BCKDHB: variants seen among roughly 807,000 people sequenced by gnomAD.
BCKDHB encodes the protein branched chain keto acid dehydrogenase E1 subunit beta.
Under a neutral mutation model 48.5 loss-of-function variants are expected in BCKDHB, and 41 were observed. That is an observed-to-expected ratio of 0.85 (90% confidence interval 0.66 to 1.10). BCKDHB has a LOEUF of 1.10. Ranked by LOEUF, BCKDHB falls within the 50% of genes least tolerant of loss-of-function variation. The pLI is 0.00. For synonymous variants in BCKDHB, 201 were observed against 174.8 expected (o/e 1.15, Z -1.18); for missense variants, 496 against 494.2 (o/e 1.00, Z -0.03).
At chr6:80,399,051 A>C in the BCKDHB span, among the ~76,000 whole-genome samples, 9 of 152,268 alleles carry the variant, frequency 5.9e-5, no homozygotes, top group African/African-American at 1.9e-4. Context: ...GATAAAATTC[A>C]ACACCTCATC....
rs564127416 is a variant in BCKDHB at position 80,343,887 on chromosome 6, C to T, written c.*83C>T. The stretch of plus-strand genomic sequence containing the variant: ...CTGTTAACCAAGACACAGCAATCAT[C>T]AGTGTTTTGATGGTAACAAACTTTG... On this transcript the variant is annotated 3_prime_UTR_variant, in exon 10 of 10. Transcript: ENST00000320393. The T allele has an allele frequency of 1.3e-3, 2,018 of 1,535,034 alleles. 25 individuals are homozygous for T. The Middle Eastern group carries it at 0.016, about 12-fold the overall frequency.
intron 8 of BCKDHB, among the ~76,000 whole-genome samples, chr6:80,217,894 C>T (rs534041018): frequency 6.6e-6 from 1 of 152,240 alleles, no homozygotes; most frequent in Non-Finnish European, 1.5e-5. Flanking sequence ...AGGATTGAGC[C>T]TGTTGATTTA....
chr6:80,276,920 G>T lies in BCKDHB; in HGVS notation c.1038+3699G>T, dbSNP rs200604222. 6.6e-5 allele frequency among the ~76,000 whole-genome samples: 10 copies of T among 151,862 alleles called. No individual in the cohort carries two copies. In the East Asian group the frequency reaches 1.7e-3, roughly 26 times the overall value. On this transcript the variant is annotated intron_variant, in intron 9 of 9. Coordinates refer to ENST00000320393, the MANE Select transcript of BCKDHB (RefSeq NM_183050.4). ...TACGAAGTGCTTTATATTTCTATTGGATTTAATTTGGAAATTAACTGGAAG... is the reference window on the plus strand; with the variant it reads ...TACGAAGTGCTTTATATTTCTATTGTATTTAATTTGGAAATTAACTGGAAG...
chr6:80,431,985 G>GA, the BCKDHB span, among the ~76,000 whole-genome samples: 1,164 of 152,122 alleles, frequency 7.7e-3, 12 homozygotes, highest in South Asian at 0.03. Flanking sequence ...ATTCTGGGTT[G>GA]AAAATTATAT....
chr6:80,333,270 G>A (rs904840716), intron 9 of BCKDHB, among the ~76,000 whole-genome samples: 5 of 152,112 alleles, frequency 3.3e-5, no homozygotes, highest in Non-Finnish European at 7.4e-5. Flanking sequence ...TGTGATAGTG[G>A]TCACCTCACT....
intron 3 of BCKDHB, among the ~76,000 whole-genome samples, chr6:80,164,659 T>C (rs1157021103): frequency 6.6e-6 from 1 of 152,260 alleles, no homozygotes; most frequent in Admixed American, 6.5e-5. Flanking sequence ...AATAAATGTA[T>C]GAATTATTAT....
intron 3 of BCKDHB, among the ~76,000 whole-genome samples, chr6:80,150,634 A>G (rs1771727956): frequency 7.2e-6 from 1 of 139,582 alleles, no homozygotes; most frequent in Non-Finnish European, 1.5e-5. Flanking sequence ...TTGGCTCACT[A>G]CAACCTCTGC....
Position 80,205,942 on chromosome 6 carries a change from A to G in BCKDHB, c.951+2730A>G, listed in dbSNP as rs911801637. On this transcript the variant is annotated intron_variant, in intron 8 of 9. Transcript: ENST00000320393. Reference sequence around the variant, plus strand: ...TGCTTTTTAGTTGGCTACACTTGCTATTTGGTCTCAACCAGGTGTGTAGAA... The same window carrying G: ...TGCTTTTTAGTTGGCTACACTTGCTGTTTGGTCTCAACCAGGTGTGTAGAA... Among the ~76,000 whole-genome samples the G allele has an allele frequency of 1.1e-4, 17 of 151,964 alleles. No homozygotes were observed. In the South Asian group the frequency reaches 3.3e-3, roughly 30 times the overall value.
At chr6:80,463,114 T>C in the BCKDHB span, 7 of 152,204 alleles carry the variant, frequency 4.6e-5, no homozygotes, top group African/African-American at 1.4e-4. Context: ...CTAAATTAGA[T>C]TTATTTGTAA....
the BCKDHB span, among the ~76,000 whole-genome samples, chr6:80,364,582 A>C: frequency 6.6e-6 from 1 of 152,198 alleles, no homozygotes; most frequent in East Asian, 1.9e-4. Flanking sequence ...GTAGACTCTC[A>C]CTTTTTTCTT....
the BCKDHB span, among the ~76,000 whole-genome samples, chr6:80,430,290 C>T: frequency 4.6e-5 from 7 of 152,242 alleles, 1 homozygote; most frequent in South Asian, 2.1e-4. Context: ...AGGATTTCTG[C>T]GTTGATGTTC....
chr6:80,324,048 A>C (rs1366981737), intron 9 of BCKDHB, among the ~76,000 whole-genome samples: 1 of 152,218 alleles, frequency 6.6e-6, no homozygotes, highest in Non-Finnish European at 1.5e-5. Context: ...CTGGGATTAC[A>C]GGCGTGAGCC....
chr6:80,172,434 A>C (rs1772963142), intron 6 of BCKDHB, among the ~76,000 whole-genome samples: 1 of 152,048 alleles, frequency 6.6e-6, no homozygotes, highest in Non-Finnish European at 1.5e-5. Flanking sequence ...ACGAATATTC[A>C]TTGTTCATTG....
chr6:80,188,853 G>A (rs2127802298), intron 6 of BCKDHB, among the ~76,000 whole-genome samples: 1 of 152,278 alleles, frequency 6.6e-6, no homozygotes, highest in South Asian at 2.1e-4. Context: ...CAGTTTAGTA[G>A]CCATTGATGG....
the BCKDHB span, among the ~76,000 whole-genome samples, chr6:80,439,965 G>A: frequency 6.6e-6 from 1 of 152,162 alleles, no homozygotes; most frequent in Non-Finnish European, 1.5e-5. Flanking sequence ...TTGGCACTGA[G>A]AGATGAAGTC....
At chr6:80,310,435 T>C (rs1381915487) in intron 9 of BCKDHB, among the ~76,000 whole-genome samples, 1 of 152,224 alleles carries the variant, frequency 6.6e-6, no homozygotes, top group Non-Finnish European at 1.5e-5. Context: ...CATGATCTTG[T>C]TCTGTTTTAT....
rs5877699 is a variant in BCKDHB at position 80,195,163 on chromosome 6, ATTT to A, written c.743-5763_743-5761del. ...CTTGCCAGCGTGGACAATTCTACAG[ATTT>A]TTTTTTTGATTACTTGGAGACAGAA... On this transcript the variant is annotated intron_variant, in intron 6 of 9. Transcript: ENST00000320393. Among the ~76,000 whole-genome samples, 540 of 150,656 alleles carry A rather than the reference ATTT, an allele frequency of 3.6e-3. 7 individuals carry two copies. Among genetic ancestry groups the A allele is most frequent in the Admixed American group, 0.031 (469 of 15,098 alleles).
At chr6:80,245,511 G>A (rs971555749) in intron 8 of BCKDHB, among the ~76,000 whole-genome samples, 12 of 152,040 alleles carry the variant, frequency 7.9e-5, no homozygotes, top group Non-Finnish European at 1.3e-4. Flanking sequence ...TAGATACTTG[G>A]TAAAAACACG....
rs566692990 is a variant in BCKDHB, at chr6:80,115,289, C to T, written c.196+8400C>T. Among the ~76,000 whole-genome samples the T allele has an allele frequency of 3.3e-5, 5 of 152,090 alleles. No homozygotes were observed. The East Asian group carries it at 9.8e-4, about 30-fold the overall frequency. ...CAGCCTCTTGAGTAGTTGGGACTATCGTCACGTACTACTGTGCCTGGCCCA... is the reference window on the plus strand; with the variant it reads ...CAGCCTCTTGAGTAGTTGGGACTATTGTCACGTACTACTGTGCCTGGCCCA... On this transcript the variant is annotated intron_variant, in intron 1 of 9. Coordinates refer to ENST00000320393, the MANE Select transcript of BCKDHB (RefSeq NM_183050.4).
Sources: allele counts gnomAD v4.1 joint callset (sites outside exome capture counted in the v4.1 genomes callset), GRCh38; gene constraint gnomAD v4.1.1; transcripts MANE v1.5; gene names NCBI Gene and HGNC (gene_info 2026-07-23, HGNC 2026-07-21).